The following AGO4 variants were observed in gnomAD, a reference collection of about 807,000 sequenced individuals.
AGO4 encodes argonaute RISC component 4.
Under a neutral mutation model 104.7 loss-of-function variants are expected in AGO4, and 33 were observed. The observed-to-expected ratio is 0.32, with a 90% confidence interval of 0.24 to 0.42. The LOEUF is 0.42. AGO4 is among the 10% of genes least tolerant of loss of function. The pLI is 1.00. For missense variants in AGO4, 711 were observed against 1,083.4 expected, an observed-to-expected ratio of 0.66 and a Z score of 4.83; for synonymous variants, 331 against 364.7, an observed-to-expected ratio of 0.91 and a Z score of 1.05.
chr1:35,852,291 G>A (rs1644720828), intron 17 of AGO4, among the ~76,000 whole-genome samples: 1 of 152,200 alleles, frequency 6.6e-6, no homozygotes, highest in Non-Finnish European at 1.5e-5. Context: ...GTAAAAGATG[G>A]CTAAGATTTT....
chr1:35,810,131 A>G (rs1643452783), intron 1 of AGO4, among the ~76,000 whole-genome samples: 1 of 152,146 alleles, frequency 6.6e-6, no homozygotes. Context: ...AACCACATTT[A>G]TAAGACACTA....
At position 35,831,515 on chromosome 1, in the gene AGO4, C is replaced by T; in HGVS notation, c.937C>T (p.Pro313Ser). The T allele has an allele frequency of 6.2e-7, 1 of 1,613,990 alleles. No individual in the cohort carries two copies. The highest frequency in any genetic ancestry group is 8.5e-7 in the Non-Finnish European group (1 of 1,179,994). The change falls in exon 8 of 18, where the codon CCC becomes TCC. Residue 313 changes from proline (P) to serine (S), a missense_variant. This residue lies in a region of AGO4 where 308 missense variants were observed against 397.8 expected (regional missense o/e 0.77). Coordinates refer to ENST00000373210, the MANE Select transcript of AGO4 (RefSeq NM_017629.4). ...KQKYSLQLKY[P>S]HLPCLQVGQE... ...AAAGTATAGTCTGCAACTGAAATAC[C>T]CCCATCTTCCCTGTCTCCAAGTGGG...
chr1:35,846,260 A>C (rs1644569407), intron 15 of AGO4, among the ~76,000 whole-genome samples: 1 of 152,044 alleles, frequency 6.6e-6, no homozygotes, highest in Admixed American at 6.6e-5. Context: ...GTTGTCTTTA[A>C]ATTCTTTGCC....
At chr1:35,851,906 T>C (rs1644710146) in intron 17 of AGO4, among the ~76,000 whole-genome samples, 1 of 152,142 alleles carries the variant, frequency 6.6e-6, no homozygotes, top group Non-Finnish European at 1.5e-5. Flanking sequence ...TATGTTTCAG[T>C]ATGGGAGACA....
At chr1:35,813,673 C>T (rs1302343204) in intron 1 of AGO4, among the ~76,000 whole-genome samples, 2 of 151,452 alleles carry the variant, frequency 1.3e-5, no homozygotes, top group Non-Finnish European at 2.9e-5. Flanking sequence ...CAGTTGAGTC[C>T]AGGAGGTCGA....
Position 35,808,821 on chromosome 1 carries a change from G to A in AGO4, c.19+386G>A, listed in dbSNP as rs998515424. Among the ~76,000 whole-genome samples, 1 of 152,206 alleles carries A rather than the reference G, an allele frequency of 6.6e-6. No homozygotes were observed. Among genetic ancestry groups the A allele is most frequent in the Non-Finnish European group, 1.5e-5 (1 of 68,036 alleles). ...TGGCCCAGACCGGGAAAAGGGCCCC[G>A]CTGCCTACTACCAGCCGGTAGTCCT... On this transcript the variant is annotated intron_variant, in intron 1 of 17. Coordinates refer to ENST00000373210, the MANE Select transcript of AGO4 (RefSeq NM_017629.4). This position sits in a 1 kb window ranked among gnomAD's most constrained non-coding sequence, Gnocchi z 5.2.
chr1:35,808,983 G>GC lies in AGO4; in HGVS notation c.19+551dup, dbSNP rs769826389. Among the ~76,000 whole-genome samples the GC allele has an allele frequency of 1.3e-5, 2 of 152,152 alleles. No homozygotes were observed. The highest frequency in any genetic ancestry group is 2.9e-5 in the Non-Finnish European group (2 of 68,020). On this transcript the variant is annotated intron_variant, in intron 1 of 17. Coordinates refer to ENST00000373210, the MANE Select transcript of AGO4 (RefSeq NM_017629.4). This position sits in a 1 kb window ranked among gnomAD's most constrained non-coding sequence, Gnocchi z 5.2. ...ACAAAATGCCCACCCTTTCTGAAAG[G>GC]CCCTGATGTCCCAAAGAACATGGTC...
chr1:35,823,991 G>A (rs1643948286), intron 3 of AGO4, among the ~76,000 whole-genome samples: 2 of 152,132 alleles, frequency 1.3e-5, no homozygotes, highest in Admixed American at 1.3e-4. Context: ...GGTTGATTAT[G>A]TCATCTTTAC....
intron 7 of AGO4, among the ~76,000 whole-genome samples, chr1:35,828,501 C>G (rs989762885): frequency 4.6e-5 from 7 of 151,924 alleles, no homozygotes; most frequent in Admixed American, 6.6e-5. Flanking sequence ...TCCCCAATCT[C>G]ATTTTCCTAA....
At chr1:35,852,095 A>C (rs538686746) in intron 17 of AGO4, among the ~76,000 whole-genome samples, 1 of 152,350 alleles carries the variant, frequency 6.6e-6, no homozygotes, top group East Asian at 1.9e-4. Context: ...GGAAAAAGCA[A>C]GTGGCATGTT....
At chr1:35,838,615 T>G (rs1322497675) in intron 13 of AGO4, among the ~76,000 whole-genome samples, 2 of 152,188 alleles carry the variant, frequency 1.3e-5, no homozygotes, top group East Asian at 3.8e-4. Flanking sequence ...AATTTGAGTT[T>G]GTCAGATTGA....
intron 16 of AGO4, 62 bp from the exon 17 acceptor site, chr1:35,850,792 A>AC (rs893653891): frequency 3.8e-6 from 4 of 1,043,512 alleles, no homozygotes; most frequent in African/African-American, 4.5e-5. Context: ...AAAAAAAAAA[A>AC]AAAAAAACAA....
intron 13 of AGO4, among the ~76,000 whole-genome samples, chr1:35,840,421 C>T (rs946153328): frequency 2.0e-5 from 3 of 152,138 alleles, no homozygotes; most frequent in Admixed American, 1.3e-4. Context: ...CTCAGCCTTC[C>T]AAAGTGCTGG....
At position 35,819,984 on chromosome 1, in the gene AGO4, C is replaced by T. The variant is rs532481648; in HGVS notation, c.186-2878C>T. 2.0e-5 allele frequency among the ~76,000 whole-genome samples: 3 copies of T among 152,028 alleles called. No individual in the cohort carries two copies. In the East Asian group the frequency reaches 5.8e-4, roughly 29 times the overall value. On this transcript the variant is annotated intron_variant, in intron 2 of 17. Transcript: ENST00000373210. ...GGCTCCTACACTGGGTCTTGAAGCA[C>T]TCCAATATTTAAAGATTTAACTGAA...
intron 16 of AGO4, 42 bp from the exon 17 acceptor site, chr1:35,850,806 CAAAAAA>C (rs1644684052): frequency 1.1e-6 from 1 of 920,342 alleles, no homozygotes; most frequent in African/African-American, 3.2e-5. Context: ...AAAACAAAAA[CAAAAAA>C]CGAACAAAAA....
At chr1:35,848,021 A>G (rs1364836730) in intron 15 of AGO4, among the ~76,000 whole-genome samples, 2 of 152,210 alleles carry the variant, frequency 1.3e-5, no homozygotes, top group African/African-American at 4.8e-5. Flanking sequence ...GTGGATACCA[A>G]GGGCTGACTG....
Position 35,808,366 on chromosome 1 carries a change from C to A in AGO4, c.-51C>A, listed in dbSNP as rs1643366550. 9.9e-7 allele frequency: 1 copy of A among 1,010,400 alleles called. No individual in the cohort carries two copies. Among genetic ancestry groups the A allele is most frequent in the African/African-American group, 1.7e-5 (1 of 57,348 alleles). The allele number at this position is 1,010,400 out of a possible 1,614,324, so 62.6% of individuals were successfully genotyped here. ...GGCGGCGGCGGCGGCGGCGGCGGGG[C>A]CCGGAGCGGGAGGCGCCGGGGACCG... On this transcript the variant is annotated 5_prime_UTR_variant, in exon 1 of 18. Coordinates refer to ENST00000373210, the MANE Select transcript of AGO4 (RefSeq NM_017629.4). The surrounding 1 kb of genome is among the most constrained non-coding windows in gnomAD (Gnocchi z 5.2).
chr1:35,828,828 C>G (rs552610328), intron 7 of AGO4, among the ~76,000 whole-genome samples: 28 of 152,270 alleles, frequency 1.8e-4, no homozygotes, highest in African/African-American at 6.7e-4. Flanking sequence ...GCCCATCACC[C>G]AACACTTCTA....
chr1:35,833,646 C>T (rs1259564767), intron 11 of AGO4, among the ~76,000 whole-genome samples: 1 of 152,262 alleles, frequency 6.6e-6, no homozygotes, highest in East Asian at 1.9e-4. Context: ...AATTTTGACC[C>T]TGCTTTTCTT....
Sources: gnomAD v4.1 joint callset for allele counts (sites outside exome capture counted in the v4.1 genomes callset) on GRCh38, gnomAD v4.1.1 for gene constraint, gnomAD v4.1.1 regional missense constraint, Gnocchi (gnomAD v3.1) non-coding constraint, MANE v1.5 for transcripts, NCBI Gene and HGNC (gene_info 2026-07-23, HGNC 2026-07-21) for gene names.